MICOS10: variants seen among roughly 807,000 people sequenced by gnomAD.
MICOS10 encodes the protein mitochondrial contact site and cristae organizing system subunit 10, also known as MICOS complex subunit MIC10.
In MICOS10, 5 loss-of-function variants were observed where a neutral mutation model predicts 13.4. The ratio of observed to expected loss-of-function variants is 0.37; its 90% CI spans 0.20 to 0.78. The LOEUF (loss-of-function observed/expected upper bound fraction) is 0.78, where lower values mean the gene tolerates loss of function less well. MICOS10 is among the 30% of genes least tolerant of loss of function. The pLI, the probability that MICOS10 is intolerant of heterozygous loss-of-function variation, is 0.47. For missense variants in MICOS10, 101 were observed against 94.6 expected, an observed-to-expected ratio of 1.07 and a Z score of -0.28; for synonymous variants, 35 against 33.6, an observed-to-expected ratio of 1.04 and a Z score of -0.15.
At chr1:19,608,359 C>G (rs755916800) in intron 1 of MICOS10, 2 of 1,276,072 alleles carry the variant, frequency 1.6e-6, no homozygotes. Flanking sequence ...AGGATGTGGC[C>G]CAGAGGTGCA....
intron 1 of MICOS10, among the ~76,000 whole-genome samples, chr1:19,611,188 G>A (rs2094859573): frequency 6.6e-6 from 1 of 152,088 alleles, no homozygotes; most frequent in Non-Finnish European, 1.5e-5. Flanking sequence ...CTGACCTCAA[G>A]TGATCCCCCA....
intron 1 of MICOS10, among the ~76,000 whole-genome samples, chr1:19,611,071 C>A (rs1292554163): frequency 2.0e-5 from 3 of 152,076 alleles, no homozygotes; most frequent in Non-Finnish European, 4.4e-5. Flanking sequence ...CCTTCCTCAG[C>A]CTCCCAAGTA....
At chr1:19,597,611 T>C (rs1438113139) in intron 1 of MICOS10, among the ~76,000 whole-genome samples, 1 of 152,188 alleles carries the variant, frequency 6.6e-6, no homozygotes, top group Non-Finnish European at 1.5e-5. Flanking sequence ...CCTGATTTAT[T>C]TGAATCAGAG....
At chr1:19,624,969 C>T (rs1386749957) in intron 3 of MICOS10, among the ~76,000 whole-genome samples, 1 of 152,198 alleles carries the variant, frequency 6.6e-6, no homozygotes, top group African/African-American at 2.4e-5. Flanking sequence ...TTCCAGGTTA[C>T]TCTTGGGCTA....
At chr1:19,612,197 C>T (rs1238064522) in intron 1 of MICOS10, among the ~76,000 whole-genome samples, 2 of 150,026 alleles carry the variant, frequency 1.3e-5, no homozygotes, top group Non-Finnish European at 3.0e-5. Flanking sequence ...CGCCCACCAC[C>T]ATGCCTGGCT....
intron 1 of MICOS10, among the ~76,000 whole-genome samples, chr1:19,615,572 C>T (rs920676430): frequency 1.3e-5 from 2 of 152,044 alleles, no homozygotes; most frequent in African/African-American, 4.8e-5. Context: ...TTGTACAACA[C>T]TTTCCTTTTT....
intron 1 of MICOS10, among the ~76,000 whole-genome samples, chr1:19,609,707 G>A (rs1396246884): frequency 6.6e-6 from 1 of 152,192 alleles, no homozygotes; most frequent in Non-Finnish European, 1.5e-5. Flanking sequence ...GAATCATTTT[G>A]TTGAGTGATA....
chr1:19,602,978 A>G (rs996250924), intron 1 of MICOS10, among the ~76,000 whole-genome samples: 1 of 152,110 alleles, frequency 6.6e-6, no homozygotes, highest in African/African-American at 2.4e-5. Context: ...AAAGTCATAG[A>G]CTTCCAGGGG....
intron 1 of MICOS10, among the ~76,000 whole-genome samples, chr1:19,606,827 C>T (rs758881232): frequency 7.2e-5 from 11 of 152,008 alleles, no homozygotes; most frequent in Non-Finnish European, 1.3e-4. Context: ...AGTTAACCAG[C>T]AGATTTTGTG....
intron 1 of MICOS10, among the ~76,000 whole-genome samples, chr1:19,606,167 T>G (rs771285267): frequency 6.6e-6 from 1 of 152,138 alleles, no homozygotes; most frequent in Non-Finnish European, 1.5e-5. Flanking sequence ...AAAAGAGAGA[T>G]ATAATGATGC....
chr1:19,601,806 G>A (rs1052116344), intron 1 of MICOS10, among the ~76,000 whole-genome samples: 9 of 152,030 alleles, frequency 5.9e-5, no homozygotes, highest in African/African-American at 2.2e-4. Flanking sequence ...GGCACAGTGG[G>A]CCCTTACTTG....
intron 1 of MICOS10, among the ~76,000 whole-genome samples, chr1:19,615,572 CT>C (rs773334037): frequency 3.9e-5 from 6 of 152,162 alleles, no homozygotes; most frequent in Middle Eastern, 3.4e-3. Flanking sequence ...TTGTACAACA[CT>C]TTCCTTTTTT....
chr1:19,603,903 T>G (rs932211665), intron 1 of MICOS10, among the ~76,000 whole-genome samples: 19 of 152,282 alleles, frequency 1.2e-4, no homozygotes, highest in African/African-American at 3.4e-4. Flanking sequence ...TGGAAAAGAC[T>G]GTCCTGGCAA....
rs78276546 is a variant in MICOS10 at position 19,605,493 on chromosome 1, A to G, written c.64+8384A>G. Among the ~76,000 whole-genome samples, 100 of 152,266 alleles carry G rather than the reference A, an allele frequency of 6.6e-4. No individual in the cohort carries two copies. In the East Asian group the frequency reaches 0.019, roughly 28 times the overall value. ...GAGTCTCCTATGCTGGACATTTTAC[A>G]TAAAGAGTTATATAATATGTAGTCT... On this transcript the variant is annotated intron_variant, in intron 1 of 3. Transcript: ENST00000322753.
intron 1 of MICOS10, among the ~76,000 whole-genome samples, chr1:19,620,886 A>G (rs2094900940): frequency 6.6e-6 from 1 of 152,226 alleles, no homozygotes; most frequent in Non-Finnish European, 1.5e-5. Flanking sequence ...TCAGAGGGAC[A>G]AGAAAAATGC....
intron 1 of MICOS10, among the ~76,000 whole-genome samples, chr1:19,597,378 G>T (rs1272723931): frequency 1.3e-5 from 2 of 152,144 alleles, no homozygotes; most frequent in African/African-American, 2.4e-5. Context: ...CAGGAGAGTC[G>T]CAGAGCTCTT....
chr1:19,609,176 T>A (rs2094848559), intron 1 of MICOS10, among the ~76,000 whole-genome samples: 1 of 151,226 alleles, frequency 6.6e-6, no homozygotes, highest in African/African-American at 2.4e-5. Context: ...AAAAAAAAAT[T>A]TTTTTTTTAA....
intron 1 of MICOS10, among the ~76,000 whole-genome samples, chr1:19,599,834 A>G (rs1396097968): frequency 6.6e-6 from 1 of 152,144 alleles, no homozygotes; most frequent in Non-Finnish European, 1.5e-5. Flanking sequence ...GAGAGATTCC[A>G]TTTTATCTTG....
intron 1 of MICOS10, among the ~76,000 whole-genome samples, chr1:19,609,934 A>G (rs113396660): frequency 0.044 from 6,725 of 152,224 alleles, 223 homozygotes; most frequent in Middle Eastern, 0.12. Context: ...CACGAGGTCA[A>G]GAGATGAGAC....
Sources: allele counts gnomAD v4.1 joint callset (sites outside exome capture counted in the v4.1 genomes callset), GRCh38; gene constraint gnomAD v4.1.1; transcripts MANE v1.5; gene names NCBI Gene and HGNC (gene_info 2026-07-23, HGNC 2026-07-21).